The following AGAP1 variants were observed in gnomAD, a reference collection of about 807,000 sequenced individuals.
AGAP1 encodes ArfGAP with GTPase domain, ankyrin repeat and PH domain 1.
A neutral mutation model predicts 105.3 loss-of-function variants in AGAP1; 29 were observed. That is an observed-to-expected ratio of 0.28 (90% confidence interval 0.21 to 0.38). The LOEUF (loss-of-function observed/expected upper bound fraction) is 0.38, where lower values mean the gene tolerates loss of function less well. AGAP1 is among the 10% of genes least tolerant of loss of function. The pLI is 1.00. For synonymous variants in AGAP1, 509 were observed against 485.9 expected, an observed-to-expected ratio of 1.05 and a Z score of -0.63; for missense variants, 998 against 1,165.1, an observed-to-expected ratio of 0.86 and a Z score of 2.09.
At chr2:235,519,704 G>A (rs894314304) in intron 1 of AGAP1, among the ~76,000 whole-genome samples, 4 of 152,164 alleles carry the variant, frequency 2.6e-5, no homozygotes, top group Admixed American at 1.3e-4. Context: ...TAAGCGTAAT[G>A]ATCTCCTGTG....
chr2:235,799,276 A>G lies in AGAP1; in HGVS notation c.802-91A>G, dbSNP rs906283575. The G allele has an allele frequency of 5.5e-6, 8 of 1,452,826 alleles. No individual in the cohort carries two copies. Among genetic ancestry groups the G allele is most frequent in the Admixed American group, 1.9e-5 (1 of 53,100 alleles). 90.0% of individuals were successfully genotyped at this position (1,452,826 alleles called of 1,614,324 possible). On this transcript the variant is annotated intron_variant, in intron 7 of 17. Coordinates refer to ENST00000304032, the MANE Select transcript of AGAP1 (RefSeq NM_001037131.3). The surrounding 1 kb of genome is among the most constrained non-coding windows in gnomAD (Gnocchi z 5.0). ...CCCATGCATCCCTTCCATGGGGCTC[A>G]TGCTCACTTGTTGGTTATGACCTTG...
In AGAP1 at chr2:235,659,461, C is replaced by T. The variant is rs1686454167; in HGVS notation, c.164-49718C>T. On this transcript the variant is annotated intron_variant, in intron 1 of 17. Transcript: ENST00000304032. The surrounding 1 kb of genome is among the most constrained non-coding windows in gnomAD (Gnocchi z 5.0). The stretch of plus-strand genomic sequence containing the variant: ...GAGCCTGTCACCTTTTTCAAAATTT[C>T]CAACAACTGTGGCTTCTTGGGAAAT... Among the ~76,000 whole-genome samples the T allele has an allele frequency of 6.6e-6, 1 of 152,270 alleles. No individual in the cohort carries two copies. The highest frequency in any genetic ancestry group is 1.9e-4 in the East Asian group (1 of 5,174).
intron 1 of AGAP1, among the ~76,000 whole-genome samples, chr2:235,534,889 T>C (rs1430664297): frequency 2.0e-5 from 3 of 152,128 alleles, no homozygotes; most frequent in Non-Finnish European, 2.9e-5. Context: ...CTGCCCTCTT[T>C]AGGGGTCCTT....
At position 235,600,631 on chromosome 2, in the gene AGAP1, C is replaced by G. The variant is rs1945697996; in HGVS notation, c.163+105782C>G. ...AGGCCGAAAGCTGAAGAACTTGGAGCCTGATGTTCGAGGGCAGGAAGCATC... is the reference window on the plus strand; with the variant it reads ...AGGCCGAAAGCTGAAGAACTTGGAGGCTGATGTTCGAGGGCAGGAAGCATC... On this transcript the variant is annotated intron_variant, in intron 1 of 17. Coordinates refer to ENST00000304032, the MANE Select transcript of AGAP1 (RefSeq NM_001037131.3). This position sits in a 1 kb window ranked among gnomAD's most constrained non-coding sequence, Gnocchi z 4.8. Among the ~76,000 whole-genome samples, 1 of 152,182 alleles carries G rather than the reference C, an allele frequency of 6.6e-6. No homozygotes were observed. Among genetic ancestry groups the G allele is most frequent in the Non-Finnish European group, 1.5e-5 (1 of 68,030 alleles).
chr2:235,956,678 AG>A (rs1451685094), intron 12 of AGAP1, among the ~76,000 whole-genome samples: 1 of 152,192 alleles, frequency 6.6e-6, no homozygotes, highest in East Asian at 1.9e-4. Context: ...TGTGGTCAGG[AG>A]GAGGCTGGGG....
chr2:235,508,460 C>T (rs1370573806), intron 1 of AGAP1, among the ~76,000 whole-genome samples: 3 of 152,182 alleles, frequency 2.0e-5, no homozygotes, highest in South Asian at 2.1e-4. Context: ...CTCACATTCA[C>T]GCTCGGTTTT....
chr2:235,909,023 T>A, intron 11 of AGAP1, 117 bp downstream of exon 11: 2 of 1,045,512 alleles, frequency 1.9e-6, no homozygotes, highest in Admixed American at 2.7e-5. Context: ...CATTACAGAT[T>A]AAGGTTTAGA....
chr2:236,016,236 G>C (rs1025390792), intron 13 of AGAP1, among the ~76,000 whole-genome samples: 2 of 152,056 alleles, frequency 1.3e-5, no homozygotes, highest in African/African-American at 2.4e-5. Context: ...GAAAAGAATA[G>C]AAGTTAAGAA....
At chr2:235,508,418 C>T (rs1210278950) in intron 1 of AGAP1, among the ~76,000 whole-genome samples, 2 of 152,242 alleles carry the variant, frequency 1.3e-5, no homozygotes, top group African/African-American at 4.8e-5. Flanking sequence ...CAGTTCGCAG[C>T]TCTCCTGCAG....
rs114624464 is a variant in AGAP1, at chr2:235,909,140, G to A, written c.1324+234G>A. 1.5e-3 allele frequency among the ~76,000 whole-genome samples: 224 copies of A among 152,306 alleles called. 1 individual carries two copies. Among genetic ancestry groups the A allele is most frequent in the African/African-American group, 5.2e-3 (217 of 41,578 alleles). On this transcript the variant is annotated intron_variant, in intron 11 of 17. Transcript: ENST00000304032. ...ACAGCTGCAAAAACCATGCATCTAG[G>A]CCTTTCCAGGGCTGCATAGTGGAAA...
intron 1 of AGAP1, among the ~76,000 whole-genome samples, chr2:235,704,578 G>A (rs56195623): frequency 6.6e-6 from 1 of 152,170 alleles, no homozygotes; most frequent in Admixed American, 6.5e-5. Context: ...CTCGGGAGGT[G>A]GAGGTTGCAG....
chr2:235,604,490 A>AT (rs970031159), intron 1 of AGAP1, among the ~76,000 whole-genome samples: 6 of 151,292 alleles, frequency 4.0e-5, no homozygotes, highest in African/African-American at 1.2e-4. Flanking sequence ...TCAAAATAAA[A>AT]AAAAAAAAAG....
Position 235,651,544 on chromosome 2 carries a change from T to C in AGAP1, c.164-57635T>C, listed in dbSNP as rs77334111. Among the ~76,000 whole-genome samples, 1,307 of 152,266 alleles carry C rather than the reference T, an allele frequency of 8.6e-3. 22 individuals carry two copies. Among genetic ancestry groups the C allele is most frequent in the African/African-American group, 0.03 (1,259 of 41,544 alleles). ...AACCAATTAATCTGAAACGCTCTTA[T>C]TGAACAAATCAGCAAAGACTAAAAA... On this transcript the variant is annotated intron_variant, in intron 1 of 17. Coordinates refer to ENST00000304032, the MANE Select transcript of AGAP1 (RefSeq NM_001037131.3).
rs139733096 is a variant in AGAP1 at position 236,011,356 on chromosome 2, A to G, written c.1646-25205A>G. 5.3e-5 allele frequency among the ~76,000 whole-genome samples: 8 copies of G among 152,336 alleles called. No individual in the cohort carries two copies. The South Asian group carries it at 1.4e-3, about 28-fold the overall frequency. The stretch of plus-strand genomic sequence containing the variant: ...AGAAGAGATCAGTCTCGTTGTCTAC[A>G]CTGGAGCTGACAGTCAGTTTGTACC... On this transcript the variant is annotated intron_variant, in intron 13 of 17. Transcript: ENST00000304032.
chr2:236,007,392 G>C lies in AGAP1; in HGVS notation c.1646-29169G>C, dbSNP rs2056357545. Among the ~76,000 whole-genome samples, 3 of 152,196 alleles carry C rather than the reference G, an allele frequency of 2.0e-5. No individual in the cohort carries two copies. In the South Asian group the frequency reaches 6.2e-4, roughly 31 times the overall value. On this transcript the variant is annotated intron_variant, in intron 13 of 17. Transcript: ENST00000304032. The stretch of plus-strand genomic sequence containing the variant: ...ATCATTTCACCCGCTGTAGTTGTCA[G>C]AACTCAACTACAAAGATGGCAGATC...
rs916482924 is a variant in AGAP1 at position 235,961,341 on chromosome 2, G to T, written c.1484-7121G>T. Among the ~76,000 whole-genome samples, 4 of 152,218 alleles carry T rather than the reference G, an allele frequency of 2.6e-5. No homozygotes were observed. The East Asian group carries it at 7.7e-4, about 29-fold the overall frequency. On this transcript the variant is annotated intron_variant, in intron 12 of 17. Transcript: ENST00000304032. The surrounding 1 kb of genome is among the most constrained non-coding windows in gnomAD (Gnocchi z 5.9). ...CTGCCTAGCAGAACCCCTCCACACG[G>T]CTCCCCGTCTAAGGCGGCAGGGATG...
chr2:235,791,036 A>G (rs191244551), intron 6 of AGAP1, among the ~76,000 whole-genome samples: 28 of 152,350 alleles, frequency 1.8e-4, no homozygotes, highest in African/African-American at 5.5e-4. Context: ...TCACATGGCT[A>G]TGATTTGACT....
chr2:235,674,820 C>T (rs980623529), intron 1 of AGAP1, among the ~76,000 whole-genome samples: 36 of 151,542 alleles, frequency 2.4e-4, no homozygotes, highest in Non-Finnish European at 3.8e-4. Flanking sequence ...TCCCCAGTAG[C>T]TGGGACTAGA....
At position 236,046,930 on chromosome 2, in the gene AGAP1, G is replaced by A. The variant is rs1288197152; in HGVS notation, c.1892-2129G>A. 1.3e-5 allele frequency among the ~76,000 whole-genome samples: 2 copies of A among 152,284 alleles called. No individual in the cohort carries two copies. Among genetic ancestry groups the A allele is most frequent in the East Asian group, 3.9e-4 (2 of 5,156 alleles). On this transcript the variant is annotated intron_variant, in intron 15 of 17. Transcript: ENST00000304032. The surrounding 1 kb of genome is among the most constrained non-coding windows in gnomAD (Gnocchi z 5.2). ...GGAGGATTGCTTGAGCCCAGTGGTT[G>A]AAGCCTGGGCAACATAGCAAGACCC...
Sources: allele counts gnomAD v4.1 joint callset (sites outside exome capture counted in the v4.1 genomes callset), GRCh38; gene constraint gnomAD v4.1.1; non-coding constraint Gnocchi (gnomAD v3.1); transcripts MANE v1.5; gene names NCBI Gene and HGNC (gene_info 2026-07-23, HGNC 2026-07-21).